GLRA1: variants seen among roughly 807,000 people sequenced by gnomAD.
GLRA1 encodes the protein glycine receptor alpha 1, also known as glycine receptor subunit alpha-1.
GLRA1 carries 37 observed loss-of-function variants against 48.3 expected under a neutral mutation model. That is an observed-to-expected ratio of 0.77 (90% CI 0.59 to 1.01). GLRA1 has a LOEUF of 1.01. GLRA1 is among the 50% of genes least tolerant of loss of function. GLRA1 has a pLI of 0.00. For synonymous variants in GLRA1, 196 were observed against 210.7 expected, an observed-to-expected ratio of 0.93 and a Z score of 0.60; for missense variants, 427 against 571.0, an observed-to-expected ratio of 0.75 and a Z score of 2.57.
At chr5:151,838,148 A>T (rs1042426110) in intron 7 of GLRA1, among the ~76,000 whole-genome samples, 1 of 152,208 alleles carries the variant, frequency 6.6e-6, no homozygotes, top group Non-Finnish European at 1.5e-5. Flanking sequence ...AAACAACTAA[A>T]GGAAAATATG....
At position 151,859,954 on chromosome 5, in the gene GLRA1, AG is replaced by A; in HGVS notation, c.306del (p.Tyr103IlefsTer44). On this transcript the variant is annotated frameshift_variant, in exon 4 of 9. Coordinates refer to ENST00000274576, the MANE Select transcript of GLRA1 (RefSeq NM_000171.4). LOFTEE classifies it high-confidence loss of function. ...LRQQWNDPRL[A>X]YNEYPDDSLD... ...AGAGAGTCGTCAGGGTATTCATTAT[AG>A]GCCAGGCGGGGGTCGTTCCATTGCT... is the stretch of plus-strand genomic sequence containing the variant. The A allele has an allele frequency of 6.2e-7, 1 of 1,614,144 alleles. No individual in the cohort carries two copies. Among genetic ancestry groups the A allele is most frequent in the Non-Finnish European group, 8.5e-7 (1 of 1,179,990 alleles).
intron 7 of GLRA1, chr5:151,849,873 G>C: frequency 6.9e-7 from 1 of 1,456,672 alleles, no homozygotes; most frequent in South Asian, 1.4e-5. Flanking sequence ...GATGGCTCTA[G>C]TATTTTACAG....
intron 7 of GLRA1, chr5:151,850,778 T>A: frequency 1.0e-6 from 1 of 959,462 alleles, no homozygotes; most frequent in South Asian, 1.3e-5. Context: ...AATGAGCCCT[T>A]CCAGTACAAA....
At position 151,822,825 on chromosome 5, in the gene GLRA1, A is replaced by G. The variant is rs764768992; in HGVS notation, c.1198T>C (p.Ser400Pro). 1.9e-6 allele frequency: 3 copies of G among 1,613,980 alleles called. No individual in the cohort carries two copies. The highest frequency in any genetic ancestry group is 2.5e-6 in the Non-Finnish European group (3 of 1,179,972). ...TTNPPPAPSK[S>P]PEEMRKLFIQ... is the part of the protein sequence containing the mutation. Reference sequence around the variant, plus strand: ...AAGAGTTTTCGCATCTCCTCTGGGGACTTAGATGGTGCAGGAGGGGGGTTG... The same window carrying G: ...AAGAGTTTTCGCATCTCCTCTGGGGGCTTAGATGGTGCAGGAGGGGGGTTG... The change falls in exon 9 of 9, where the codon TCC becomes CCC. Residue 400 changes from serine (S) to proline (P), a missense_variant. By Grantham distance (74) the Ser-to-Pro change is moderately conservative. This residue lies in a region of GLRA1 where 121 missense variants were observed against 96.5 expected (regional missense o/e 1.25). Transcript: ENST00000274576.
intron 7 of GLRA1, chr5:151,849,104 T>TTTCTTTTCTTTTC (rs200997346): frequency 8.6e-6 from 1 of 116,064 alleles, no homozygotes; most frequent in African/African-American, 7.0e-5. Flanking sequence ...ATTTCTTTTC[T>TTTCTTTTCTTTTC]TTTCTTTCTT....
intron 1 of GLRA1, among the ~76,000 whole-genome samples, chr5:151,900,452 A>G (rs1430592925): frequency 6.6e-6 from 1 of 152,208 alleles, no homozygotes; most frequent in Non-Finnish European, 1.5e-5. Flanking sequence ...GTGGCAAGAA[A>G]TGACATTAAT....
At chr5:151,826,004 G>A (rs990860213) in intron 8 of GLRA1, among the ~76,000 whole-genome samples, 3 of 152,190 alleles carry the variant, frequency 2.0e-5, no homozygotes, top group Admixed American at 2.0e-4. Context: ...TGTAATTTCT[G>A]ACATTTGGGC....
chr5:151,907,647 A>T (rs545122226), intron 1 of GLRA1, among the ~76,000 whole-genome samples: 2 of 152,238 alleles, frequency 1.3e-5, no homozygotes, highest in Non-Finnish European at 2.9e-5. Context: ...AGTTCAATCA[A>T]TCGGAGGCAC....
At chr5:151,827,029 G>GT (rs199505206) in intron 8 of GLRA1, among the ~76,000 whole-genome samples, 26,316 of 126,662 alleles carry the variant, frequency 0.21, 3,113 homozygotes, top group African/African-American at 0.3. Flanking sequence ...CTTTCTTTCT[G>GT]TTTTTTTTTT....
At chr5:151,861,688 A>T (rs1753208937) in intron 3 of GLRA1, among the ~76,000 whole-genome samples, 1 of 152,170 alleles carries the variant, frequency 6.6e-6, no homozygotes, top group Non-Finnish European at 1.5e-5. Flanking sequence ...CAATTGCTTC[A>T]AAGAGAATAA....
chr5:151,880,781 A>T (rs1753741702), intron 3 of GLRA1, among the ~76,000 whole-genome samples: 1 of 152,252 alleles, frequency 6.6e-6, no homozygotes, highest in Non-Finnish European at 1.5e-5. Context: ...TCACATGCAC[A>T]TGCATGTACA....
intron 7 of GLRA1, chr5:151,849,891 G>C (rs1752854520): frequency 1.4e-5 from 21 of 1,499,412 alleles, no homozygotes; most frequent in Non-Finnish European, 1.9e-5. Context: ...CAGTCTGAAG[G>C]CTCCAACAGT....
chr5:151,850,871 C>T, intron 7 of GLRA1: 1 of 636,094 alleles, frequency 1.6e-6, no homozygotes, highest in Non-Finnish European at 2.9e-6. Context: ...CCCAATTGTC[C>T]CAATTGCAAC....
At chr5:151,910,836 A>G (rs924298815) in intron 1 of GLRA1, among the ~76,000 whole-genome samples, 20 of 152,164 alleles carry the variant, frequency 1.3e-4, no homozygotes, top group African/African-American at 4.8e-4. Flanking sequence ...AGCACTTACT[A>G]GGTCCTGCAA....
At chr5:151,922,779 C>T (rs527873312) in intron 1 of GLRA1, among the ~76,000 whole-genome samples, 47 of 152,288 alleles carry the variant, frequency 3.1e-4, no homozygotes, top group Admixed American at 5.9e-4. Flanking sequence ...AGAGGAAAAT[C>T]AAGCATTGCA....
chr5:151,826,868 G>A (rs1763282507), intron 8 of GLRA1, among the ~76,000 whole-genome samples: 1 of 152,184 alleles, frequency 6.6e-6, no homozygotes, highest in Admixed American at 6.5e-5. Context: ...AATCAAAGGG[G>A]CTGGTGCTAG....
At chr5:151,834,682 C>T (rs1422109572) in intron 7 of GLRA1, among the ~76,000 whole-genome samples, 1 of 152,032 alleles carries the variant, frequency 6.6e-6, no homozygotes, top group Non-Finnish European at 1.5e-5. Flanking sequence ...TCAGTGAATC[C>T]AGGGCTGGTT....
At chr5:151,868,593 C>A (rs78095123) in intron 3 of GLRA1, among the ~76,000 whole-genome samples, 1 of 152,126 alleles carries the variant, frequency 6.6e-6, no homozygotes, top group African/African-American at 2.4e-5. Flanking sequence ...CCCATGATAT[C>A]CCAGATATGA....
chr5:151,886,116 A>T (rs1368805186), intron 3 of GLRA1, among the ~76,000 whole-genome samples: 2 of 152,122 alleles, frequency 1.3e-5, no homozygotes, highest in Non-Finnish European at 2.9e-5. Flanking sequence ...CATTACACTT[A>T]TTCATAATTA....
Sources: allele counts gnomAD v4.1 joint callset (sites outside exome capture counted in the v4.1 genomes callset), GRCh38; gene constraint gnomAD v4.1.1; regional missense constraint gnomAD v4.1.1; transcripts MANE v1.5; gene names NCBI Gene and HGNC (gene_info 2026-07-23, HGNC 2026-07-21).